Variants in MBNL1 observed in about 807,000 individuals in gnomAD.
MBNL1 encodes muscleblind like splicing regulator 1, also known as muscleblind-like protein 1.
Under a neutral mutation model 42.2 loss-of-function variants are expected in MBNL1, and 8 were observed. The ratio of observed to expected loss-of-function variants is 0.19; its 90% confidence interval spans 0.11 to 0.34. The LOEUF (loss-of-function observed/expected upper bound fraction) is 0.34, where lower values mean the gene tolerates loss of function less well. Ranked by LOEUF, MBNL1 falls within the 10% of genes least tolerant of loss-of-function variation. The pLI is 1.00. For missense variants in MBNL1, 309 were observed against 495.3 expected (o/e 0.62, Z 3.57); for synonymous variants, 169 against 173.9 (o/e 0.97, Z 0.22).
chr3:152,311,784 A>G (rs1230856121), intron 2 of MBNL1, among the ~76,000 whole-genome samples: 1 of 152,132 alleles, frequency 6.6e-6, no homozygotes, highest in Admixed American at 6.6e-5. Flanking sequence ...TATTTTGTTC[A>G]TGATATGGCA....
intron 1 of MBNL1, among the ~76,000 whole-genome samples, chr3:152,286,210 C>T (rs1040851138): frequency 1.3e-5 from 2 of 149,532 alleles, no homozygotes; most frequent in Admixed American, 6.7e-5. Context: ...TGACTAAATC[C>T]AATGTAAATG....
intron 4 of MBNL1, among the ~76,000 whole-genome samples, chr3:152,436,408 C>T (rs186631090): frequency 3.9e-4 from 59 of 152,248 alleles, no homozygotes; most frequent in African/African-American, 1.4e-3. Context: ...TTTGTCATTA[C>T]ACAACTGTAC....
intron 1 of MBNL1, among the ~76,000 whole-genome samples, chr3:152,293,816 T>C (rs2057291561): frequency 6.6e-6 from 1 of 152,162 alleles, no homozygotes; most frequent in Non-Finnish European, 1.5e-5. Context: ...TTAGTAAACA[T>C]ATGTGAGCAA....
At chr3:152,269,834 A>G (rs77426051) in intron 1 of MBNL1, 2,614 of 162,244 alleles carry the variant, frequency 0.016, 30 homozygotes, top group Admixed American at 0.034. Context: ...CTTTCATGAA[A>G]GGTTGAAAAG....
intron 2 of MBNL1, chr3:152,340,520 G>A: frequency 6.3e-7 from 1 of 1,579,354 alleles, no homozygotes; most frequent in Non-Finnish European, 8.6e-7. Flanking sequence ...TGGAAGTTGG[G>A]AGATTTTTAA....
rs1312511791 is a variant in MBNL1 at position 152,464,906 on chromosome 3, G to T, written c.*2540G>T. On this transcript the variant is annotated 3_prime_UTR_variant, in exon 10 of 10. Coordinates refer to ENST00000324210, the MANE Select transcript of MBNL1 (RefSeq NM_021038.5). ...CTATAATTACAAGGAGTTTTGTTAA[G>T]GCTAATACAATGACAGACTGAGCAA... 1 of 152,618 alleles carries T rather than the reference G, an allele frequency of 6.6e-6. No individual in the cohort carries two copies. Among genetic ancestry groups the T allele is most frequent in the Non-Finnish European group, 1.5e-5 (1 of 68,046 alleles). The allele number at this position is 152,618 out of a possible 1,614,324, so 9.5% of individuals were successfully genotyped here. A position where few individuals can be genotyped will look rare whatever the true frequency, so the allele number is the denominator to read the frequency against.
chr3:152,247,936 C>T (rs2033526941), intron 2 of MBNL1, among the ~76,000 whole-genome samples: 1 of 151,686 alleles, frequency 6.6e-6, no homozygotes, highest in Admixed American at 6.6e-5. Context: ...CTCCATGAAC[C>T]AGTATAAAAT....
intron 3 of MBNL1, among the ~76,000 whole-genome samples, chr3:152,416,303 G>A (rs996438162): frequency 3.0e-4 from 46 of 152,242 alleles, no homozygotes; most frequent in African/African-American, 1.1e-3. Flanking sequence ...TTATGTGTCT[G>A]TTTTAACCTG....
chr3:152,261,429 G>A (rs919189307), intron 2 of MBNL1, among the ~76,000 whole-genome samples: 1 of 152,218 alleles, frequency 6.6e-6, no homozygotes. Context: ...CTGGGAAGGT[G>A]AGGAGGAGGG....
chr3:152,278,126 G>A (rs1191540991), intron 1 of MBNL1, among the ~76,000 whole-genome samples: 3 of 152,026 alleles, frequency 2.0e-5, no homozygotes, highest in Non-Finnish European at 4.4e-5. Flanking sequence ...AAGTAACTAA[G>A]ATTAAGTAGT....
intron 2 of MBNL1, among the ~76,000 whole-genome samples, chr3:152,356,856 A>AGT (rs59868027): frequency 0.19 from 28,476 of 149,364 alleles, 2,765 homozygotes; most frequent in East Asian, 0.25. Flanking sequence ...ATATGTGTGT[A>AGT]GTGTGTGTGT....
chr3:152,263,659 A>G (rs1039308430), upstream of MBNL1: 1 of 152,168 alleles, frequency 6.6e-6, no homozygotes, highest in African/African-American at 2.4e-5. Context: ...TTCTGAGATT[A>G]GACTATCAGC....
In MBNL1 at chr3:152,458,394, AT is replaced by A. The variant is rs906280210; in HGVS notation, c.1093-874del. ...GCAACAAAATGCCTTTGTGTATCTGATTTCATTATTCTCCCAACAACATTGC... is the reference window on the plus strand; with the variant it reads ...GCAACAAAATGCCTTTGTGTATCTGATTCATTATTCTCCCAACAACATTGC... On this transcript the variant is annotated intron_variant, in intron 8 of 9. Coordinates refer to ENST00000324210, the MANE Select transcript of MBNL1 (RefSeq NM_021038.5). 3 of 562,920 alleles carry A rather than the reference AT, an allele frequency of 5.3e-6. No homozygotes were observed. The African/African-American group carries it at 5.7e-5, about 11-fold the overall frequency. The allele number at this position is 562,920 out of a possible 1,614,324, so 34.9% of individuals were successfully genotyped here.
chr3:152,308,605 T>C (rs2064553240), intron 2 of MBNL1, among the ~76,000 whole-genome samples: 1 of 152,090 alleles, frequency 6.6e-6, no homozygotes, highest in Non-Finnish European at 1.5e-5. Context: ...GTGACCCCCA[T>C]GTTTCTAAGG....
rs1394058749 is a variant in MBNL1 at position 152,430,216 on chromosome 3, GT to G, written c.346-2497del. Among the ~76,000 whole-genome samples, 14 of 152,140 alleles carry G rather than the reference GT, an allele frequency of 9.2e-5. 1 individual carries two copies. The highest frequency in any genetic ancestry group is 2.1e-4 in the Non-Finnish European group (14 of 68,024). On this transcript the variant is annotated intron_variant, in intron 3 of 9. Coordinates refer to ENST00000324210, the MANE Select transcript of MBNL1 (RefSeq NM_021038.5). Reference sequence around the variant, plus strand: ...TATTTGACGAGATTTAGAGAGCTGAGTTTTATTAGCCTCTGGTCTCATTTTA... The same window carrying G: ...TATTTGACGAGATTTAGAGAGCTGAGTTTATTAGCCTCTGGTCTCATTTTA...
At chr3:152,368,605 G>A (rs1226199528) in intron 2 of MBNL1, among the ~76,000 whole-genome samples, 1 of 152,184 alleles carries the variant, frequency 6.6e-6, no homozygotes, top group African/African-American at 2.4e-5. Context: ...ACTTTGGACA[G>A]TATGGCCATT....
chr3:152,451,223 C>G (rs956441951), intron 6 of MBNL1, among the ~76,000 whole-genome samples: 2 of 152,118 alleles, frequency 1.3e-5, no homozygotes, highest in Non-Finnish European at 2.9e-5. Flanking sequence ...ATTCTTAGAG[C>G]AGGTGGCTGC....
chr3:152,285,320 A>T (rs889964656), intron 1 of MBNL1, among the ~76,000 whole-genome samples: 3 of 152,178 alleles, frequency 2.0e-5, no homozygotes, highest in African/African-American at 7.2e-5. Flanking sequence ...TCGTGAATGA[A>T]GTTTTACATT....
intron 2 of MBNL1, among the ~76,000 whole-genome samples, chr3:152,351,088 T>C (rs2152985935): frequency 6.6e-6 from 1 of 152,264 alleles, no homozygotes; most frequent in Middle Eastern, 3.4e-3. Flanking sequence ...ACTTTTTTTT[T>C]TCCTGTTTTT....
Sources: allele counts gnomAD v4.1 joint callset (sites outside exome capture counted in the v4.1 genomes callset), GRCh38; gene constraint gnomAD v4.1.1; transcripts MANE v1.5; gene names NCBI Gene and HGNC (gene_info 2026-07-23, HGNC 2026-07-21).